The following LRFN3 variants were observed in gnomAD, a reference collection of about 807,000 sequenced individuals.
LRFN3 encodes the protein leucine-rich repeat and fibronectin type-III domain-containing protein 3.
LRFN3 carries 8 observed loss-of-function variants against 23.8 expected under a neutral mutation model. The ratio of observed to expected loss-of-function variants is 0.34; its 90% confidence interval spans 0.20 to 0.61. The LOEUF (loss-of-function observed/expected upper bound fraction) is 0.61, where lower values mean the gene tolerates loss of function less well. Among genes scored for constraint, LRFN3 ranks in the 20% least tolerant of loss-of-function variants. The probability of loss-of-function intolerance (pLI) is 0.80; values close to 1 mark genes in which losing one functional copy is unlikely to be tolerated. For synonymous variants in LRFN3, 451 were observed against 450.6 expected (o/e 1.00, Z -0.01); for missense variants, 736 against 935.3 (o/e 0.79, Z 2.78).
rs1474428054 is a variant in LRFN3, at chr19:35,939,567, G to T, written c.142G>T (p.Ala48Ser). 1 of 1,608,598 alleles carries T rather than the reference G, an allele frequency of 6.2e-7. No homozygotes were observed. Among genetic ancestry groups the T allele is most frequent in the Non-Finnish European group, 8.5e-7 (1 of 1,179,398 alleles). Residue 48 changes from alanine to serine, a missense_variant, in exon 2 of 3, where the codon GCA (alanine) becomes TCA (serine). Physicochemically the swap from Ala to Ser is moderately conservative, Grantham distance 99 (BLOSUM62 1). Around this residue, in one of 2 missense-constraint regions of LRFN3, gnomAD observed 446 missense variants for 647.9 expected, o/e 0.69. Transcript: ENST00000246529. The surrounding 1 kb of genome is among the most constrained non-coding windows in gnomAD (Gnocchi z 6.4). ...SLPLSVLCPGAGLLFVPPSLD... is the reference protein window; with the variant it reads ...SLPLSVLCPGSGLLFVPPSLD... ...GCCCCTAAGCGTGCTGTGCCCAGGG[G>T]CAGGCCTCCTGTTCGTGCCACCCTC...
intron 2 of LRFN3, among the ~76,000 whole-genome samples, chr19:35,943,119 G>A (rs1976140530): frequency 6.6e-6 from 1 of 152,016 alleles, no homozygotes; most frequent in African/African-American, 2.4e-5. Context: ...CCCTGCCCCA[G>A]GCGGCCACGG....
Position 35,945,233 on chromosome 19 carries a change from A to G in LRFN3, c.*214A>G. The G allele has an allele frequency of 2.3e-6, 1 of 429,240 alleles. No homozygotes were observed. Among genetic ancestry groups the G allele is most frequent in the Non-Finnish European group, 4.1e-6 (1 of 244,994 alleles). 26.6% of individuals were successfully genotyped at this position (429,240 alleles called of 1,614,324 possible). A position where few individuals can be genotyped will look rare whatever the true frequency, so the allele number is the denominator to read the frequency against. Reference sequence around the variant, plus strand: ...CGTCTCTGTCTATGGGGGTTGGGGGACGGAGCAGGGGTCTGGAGCTGGGGA... The same window carrying G: ...CGTCTCTGTCTATGGGGGTTGGGGGGCGGAGCAGGGGTCTGGAGCTGGGGA... On this transcript the variant is annotated 3_prime_UTR_variant, in exon 3 of 3. Transcript: ENST00000246529.
At chr19:35,943,505 C>T (rs1473696118) in intron 2 of LRFN3, among the ~76,000 whole-genome samples, 1 of 152,008 alleles carries the variant, frequency 6.6e-6, no homozygotes, top group Non-Finnish European at 1.5e-5. Context: ...AACAGGGGTA[C>T]AGGGAGATCA....
chr19:35,940,131 G>T lies in LRFN3; in HGVS notation c.706G>T (p.Gly236Cys). 1 of 1,610,662 alleles carries T rather than the reference G, an allele frequency of 6.2e-7. No homozygotes were observed. The part of the protein sequence containing the change: ...SRLPLLARPR[G>C]SPASALVLAF... ...CCTGCCCCTGCTCGCCAGGCCCCGGGGCTCGCCCGCCTCTGCCCTGGTGCT... is the reference window on the plus strand; with the variant it reads ...CCTGCCCCTGCTCGCCAGGCCCCGGTGCTCGCCCGCCTCTGCCCTGGTGCT... Residue 236 changes from glycine (G) to cysteine (C), a missense_variant, in exon 2 of 3, where the codon GGC (glycine) becomes TGC (cysteine). Physicochemically the swap from Gly to Cys is radical, Grantham distance 159 (BLOSUM62 -3). Transcript: ENST00000246529.
In LRFN3 at chr19:35,940,431, C is replaced by G; in HGVS notation, c.1006C>G (p.Leu336Val). Residue 336 changes from leucine to valine, a missense_variant, in exon 2 of 3, where the codon CTG becomes GTG. Transcript: ENST00000246529. The stretch of plus-strand genomic sequence containing the variant: ...GCGTTGGGTGTCACCCCAGGGCCGG[C>G]TGCTAGGCAACTCAAGCCGTGCCCG... ...RVRWVSPQGR[L>V]LGNSSRARAF... 1 of 1,598,542 alleles carries G rather than the reference C, an allele frequency of 6.3e-7. No homozygotes were observed. Among genetic ancestry groups the G allele is most frequent in the Non-Finnish European group, 8.5e-7 (1 of 1,176,644 alleles).
Position 35,944,164 on chromosome 19 carries a change from TG to T in LRFN3, c.1416-381del, listed in dbSNP as rs1369430487. ...GTGATCATGCCACTGCACTCCAGCT[TG>T]GGCAACAGAGCAAGACCCTGTCTAT... On this transcript the variant is annotated intron_variant, in intron 2 of 2. Coordinates refer to ENST00000246529, the MANE Select transcript of LRFN3 (RefSeq NM_024509.2). The surrounding 1 kb of genome is among the most constrained non-coding windows in gnomAD (Gnocchi z 4.5). Among the ~76,000 whole-genome samples, 1 of 152,032 alleles carries T rather than the reference TG, an allele frequency of 6.6e-6. No homozygotes were observed. The highest frequency in any genetic ancestry group is 2.4e-5 in the African/African-American group (1 of 41,394).
In LRFN3 at chr19:35,937,049, C is replaced by G. The variant is rs1976065544; in HGVS notation, c.-523C>G. On this transcript the variant is annotated 5_prime_UTR_variant, in exon 1 of 3. Transcript: ENST00000246529. ...GGGACTGGATTTCCAGTACTGTACC[C>G]TGGAACCCACTCTTGGGGACCTGAA... The G allele has an allele frequency of 6.6e-6, 1 of 152,212 alleles. No homozygotes were observed. The highest frequency in any genetic ancestry group is 2.4e-5 in the African/African-American group (1 of 41,462). 9.4% of individuals were successfully genotyped at this position (152,212 alleles called of 1,614,324 possible).
rs536150246 is a variant in LRFN3, at chr19:35,939,293, G to A, written c.-16-117G>A. 1.6e-3 allele frequency: 1,752 copies of A among 1,100,924 alleles called. 37 individuals are homozygous for A. In the South Asian group the frequency reaches 0.026, roughly 16 times the overall value. The allele number at this position is 1,100,924 out of a possible 1,614,324, so 68.2% of individuals were successfully genotyped here. On this transcript the variant is annotated intron_variant, in intron 1 of 2. Transcript: ENST00000246529. This position sits in a 1 kb window ranked among gnomAD's most constrained non-coding sequence, Gnocchi z 6.4. ...CCTCTGGCTTTTGGTCACATCTGACGGTCTTTGACCAGCCCTTCTGCCCTC... is the reference window on the plus strand; with the variant it reads ...CCTCTGGCTTTTGGTCACATCTGACAGTCTTTGACCAGCCCTTCTGCCCTC...
Position 35,939,647 on chromosome 19 carries a change from G to T in LRFN3, c.222G>T (p.Val74=). The T allele has an allele frequency of 6.2e-7, 1 of 1,608,424 alleles. No individual in the cohort carries two copies. The highest frequency in any genetic ancestry group is 8.5e-7 in the Non-Finnish European group (1 of 1,179,382). ...LRLADNFIAS[V]RRRDLANMTG... is the part of the protein sequence containing the mutation. Reference sequence around the variant, plus strand: ...TGGCAGACAACTTCATCGCCTCCGTGCGCCGCCGCGACCTGGCCAACATGA... The same window carrying T: ...TGGCAGACAACTTCATCGCCTCCGTTCGCCGCCGCGACCTGGCCAACATGA... Residue 74 remains valine, a synonymous_variant, in exon 2 of 3, where the codon GTG becomes GTT. Transcript: ENST00000246529. This position sits in a 1 kb window ranked among gnomAD's most constrained non-coding sequence, Gnocchi z 6.4.
In LRFN3 at chr19:35,940,791, A is replaced by C. The variant is rs760943877; in HGVS notation, c.1366A>C (p.Met456Leu). 10 of 1,606,628 alleles carry C rather than the reference A, an allele frequency of 6.2e-6. No individual in the cohort carries two copies. The highest frequency in any genetic ancestry group is 2.2e-5 in the East Asian group (1 of 44,740). ...PDQRPIPGIRMYQIQYNSSAD... is the reference protein window; with the variant it reads ...PDQRPIPGIRLYQIQYNSSAD... ...TCAGCGGCCTATCCCGGGCATCCGC[A>C]TGTACCAGATCCAGTACAACAGCTC... is the stretch of plus-strand genomic sequence containing the variant. Residue 456 changes from methionine to leucine, a missense_variant, in exon 2 of 3, where the codon ATG (methionine) becomes CTG (leucine). Met to Leu is a conservative substitution (Grantham distance 15). Transcript: ENST00000246529.
rs1976058543 is a variant in LRFN3 at position 35,936,543 on chromosome 19, C to G, written c.-1029C>G. On this transcript the variant is annotated 5_prime_UTR_variant, in exon 1 of 3. Coordinates refer to ENST00000246529, the MANE Select transcript of LRFN3 (RefSeq NM_024509.2). ...CGCCCCCGCCTGCGCTGCGGTGCCCCCATCCCGCGTGTCCCAGTCTGTCTG... is the reference window on the plus strand; with the variant it reads ...CGCCCCCGCCTGCGCTGCGGTGCCCGCATCCCGCGTGTCCCAGTCTGTCTG... The G allele has an allele frequency of 6.6e-6, 1 of 151,240 alleles. No homozygotes were observed. The allele number at this position is 151,240 out of a possible 1,614,324, so 9.4% of individuals were successfully genotyped here. A position where few individuals can be genotyped will look rare whatever the true frequency, so the allele number is the denominator to read the frequency against.
At chr19:35,938,310 G>C (rs899279942) in intron 1 of LRFN3, among the ~76,000 whole-genome samples, 1 of 151,434 alleles carries the variant, frequency 6.6e-6, no homozygotes, top group African/African-American at 2.4e-5. Context: ...GATGCCCTCT[G>C]ATCATCTCTG....
In LRFN3 at chr19:35,944,510, G is replaced by C; in HGVS notation, c.1416-38G>C. The C allele has an allele frequency of 7.3e-7, 1 of 1,365,098 alleles. No individual in the cohort carries two copies. The highest frequency in any genetic ancestry group is 9.5e-7 in the Non-Finnish European group (1 of 1,052,818). The allele number at this position is 1,365,098 out of a possible 1,614,324, so 84.6% of individuals were successfully genotyped here. A position where few individuals can be genotyped will look rare whatever the true frequency, so the allele number is the denominator to read the frequency against. On this transcript the variant is annotated intron_variant, in intron 2 of 2. Coordinates refer to ENST00000246529, the MANE Select transcript of LRFN3 (RefSeq NM_024509.2). The surrounding 1 kb of genome is among the most constrained non-coding windows in gnomAD (Gnocchi z 4.5). The stretch of plus-strand genomic sequence containing the variant: ...GGGGGAAGCACAGGTTGGGGGCTGG[G>C]CAGCCTGAGACCTGACCCCCACCTG...
rs905910358 is a variant in LRFN3, at chr19:35,944,758, G to C, written c.1626G>C (p.Ala542=). 1 of 1,609,522 alleles carries C rather than the reference G, an allele frequency of 6.2e-7. No individual in the cohort carries two copies. The highest frequency in any genetic ancestry group is 8.5e-7 in the Non-Finnish European group (1 of 1,178,338). The stretch of plus-strand genomic sequence containing the variant: ...TCCTGGGCGGCACGATGATCATCGC[G>C]CTGGGCGGCGTCATCGTAGCCTCGG... ...APFLGGTMII[A]LGGVIVASVL... The change falls in exon 3 of 3, where the codon GCG becomes GCC. Residue 542 remains alanine, a synonymous_variant. Transcript: ENST00000246529. The surrounding 1 kb of genome is among the most constrained non-coding windows in gnomAD (Gnocchi z 4.5).
chr19:35,941,708 A>G (rs1243671702), intron 2 of LRFN3, among the ~76,000 whole-genome samples: 8 of 152,020 alleles, frequency 5.3e-5, no homozygotes, highest in African/African-American at 1.9e-4. Context: ...AGCTGGGATT[A>G]CAGACGTGCA....
rs893030624 is a variant in LRFN3 at position 35,939,108 on chromosome 19, C to T, written c.-16-302C>T. On this transcript the variant is annotated intron_variant, in intron 1 of 2. Transcript: ENST00000246529. This position sits in a 1 kb window ranked among gnomAD's most constrained non-coding sequence, Gnocchi z 6.4. ...CCATGTAGCTAGGACCACAGGTGGG[C>T]GCCACCATGCCTAGCTAATTTTTAA... 2.6e-5 allele frequency among the ~76,000 whole-genome samples: 4 copies of T among 152,136 alleles called. No individual in the cohort carries two copies. Among genetic ancestry groups the T allele is most frequent in the African/African-American group, 9.7e-5 (4 of 41,426 alleles).
rs768553940 is a variant in LRFN3, at chr19:35,940,133, C to T, written c.708C>T (p.Gly236=). 5.6e-6 allele frequency: 9 copies of T among 1,610,162 alleles called. No homozygotes were observed. The highest frequency in any genetic ancestry group is 7.6e-6 in the Non-Finnish European group (9 of 1,179,328). Residue 236 remains glycine (G), a synonymous_variant, in exon 2 of 3, where the codon GGC becomes GGT. Transcript: ENST00000246529. The part of the protein sequence containing the change: ...SRLPLLARPR[G]SPASALVLAF... ...TGCCCCTGCTCGCCAGGCCCCGGGGCTCGCCCGCCTCTGCCCTGGTGCTGG... is the reference window on the plus strand; with the variant it reads ...TGCCCCTGCTCGCCAGGCCCCGGGGTTCGCCCGCCTCTGCCCTGGTGCTGG...
Position 35,944,558 on chromosome 19 carries a change from G to T in LRFN3, c.1426G>T (p.Ala476Ser), listed in dbSNP as rs892837517. 1 of 1,462,590 alleles carries T rather than the reference G, an allele frequency of 6.8e-7. No individual in the cohort carries two copies. Among genetic ancestry groups the T allele is most frequent in the African/African-American group, 1.4e-5 (1 of 69,212 alleles). The allele number at this position is 1,462,590 out of a possible 1,614,324, so 90.6% of individuals were successfully genotyped here. Residue 476 changes from alanine to serine, a missense_variant, in exon 3 of 3, where the codon GCG becomes TCG. This residue lies in a region of LRFN3 where 290 missense variants were observed against 287.4 expected (regional missense o/e 1.01). Transcript: ENST00000246529. This position sits in a 1 kb window ranked among gnomAD's most constrained non-coding sequence, Gnocchi z 4.5. ...DDILVYRMIP[A>S]ESRSFLLTDL... ...CTGCCTGCCCTGCAGGATGATCCCGGCGGAGAGCCGCTCGTTCCTGCTGAC... is the reference window on the plus strand; with the variant it reads ...CTGCCTGCCCTGCAGGATGATCCCGTCGGAGAGCCGCTCGTTCCTGCTGAC...
intron 2 of LRFN3, 85 bp downstream of exon 2, chr19:35,940,925 C>T (rs189525448): frequency 0.011 from 14,986 of 1,417,554 alleles, 102 homozygotes; most frequent in Non-Finnish European, 0.013. Flanking sequence ...TACCCTACAC[C>T]GAAGCACAAC....
Sources: gnomAD v4.1 joint callset for allele counts (sites outside exome capture counted in the v4.1 genomes callset) on GRCh38, gnomAD v4.1.1 for gene constraint, gnomAD v4.1.1 regional missense constraint, Gnocchi (gnomAD v3.1) non-coding constraint, MANE v1.5 for transcripts, NCBI Gene and HGNC (gene_info 2026-07-23, HGNC 2026-07-21) for gene names.